Variants in HDAC4 observed in about 807,000 individuals in gnomAD.
The protein encoded by HDAC4 is histone deacetylase 4.
Under a neutral mutation model 135.1 loss-of-function variants are expected in HDAC4, and 16 were observed. That is an observed-to-expected ratio of 0.12 (90% confidence interval 0.08 to 0.18). The LOEUF is 0.18. Among genes scored for constraint, HDAC4 ranks in the 10% least tolerant of loss-of-function variants. The pLI is 1.00. For missense variants in HDAC4, 1,143 were observed against 1,511.8 expected (o/e 0.76, Z 4.05); for synonymous variants, 685 against 653.4 (o/e 1.05, Z -0.74).
At chr2:239,094,820 A>C in intron 17 of HDAC4, 190 bp downstream of exon 17, 3 of 1,467,828 alleles carry the variant, frequency 2.0e-6, no homozygotes, top group South Asian at 2.7e-5. Flanking sequence ...TCCCCAGAGA[A>C]AGGTGCCCGA....
intron 2 of HDAC4, among the ~76,000 whole-genome samples, chr2:239,265,893 C>T (rs965042301): frequency 1.3e-4 from 20 of 152,212 alleles, no homozygotes; most frequent in Admixed American, 1.2e-3. Flanking sequence ...GTGGGCAGTG[C>T]CCCGATCAGG....
chr2:239,144,644 C>G lies in HDAC4; in HGVS notation c.804G>C (p.Leu268=), dbSNP rs1331059181. ...QKVAERRSSP[L]LRRKDGPVVT... ...CCACTGGCCCGTCTTTCCTGCGTAACAGGGGGCTGCTCCGTCTTTCGGCCA... is the reference window on the plus strand; with the variant it reads ...CCACTGGCCCGTCTTTCCTGCGTAAGAGGGGGCTGCTCCGTCTTTCGGCCA... Residue 268 remains leucine, a synonymous_variant, in exon 8 of 27, where the codon CTG becomes CTC. Transcript: ENST00000543185. 6.2e-7 allele frequency: 1 copy of G among 1,614,120 alleles called. No homozygotes were observed. The highest frequency in any genetic ancestry group is 1.3e-5 in the African/African-American group (1 of 74,946).
chr2:239,370,310 T>C (rs1694514146), intron 1 of HDAC4, among the ~76,000 whole-genome samples: 1 of 152,158 alleles, frequency 6.6e-6, no homozygotes, highest in Non-Finnish European at 1.5e-5. Flanking sequence ...ACTCCCTCGA[T>C]CCCACTGAAA....
chr2:239,180,459 C>T (rs768455808), intron 4 of HDAC4, among the ~76,000 whole-genome samples: 1 of 152,146 alleles, frequency 6.6e-6, no homozygotes, highest in South Asian at 2.1e-4. Context: ...TGCTCACAGC[C>T]TCTTCCTACT....
intron 2 of HDAC4, among the ~76,000 whole-genome samples, chr2:239,282,520 ACT>A (rs2050847444): frequency 7.3e-6 from 1 of 137,390 alleles, no homozygotes; most frequent in South Asian, 2.4e-4. Context: ...TGTACACACC[ACT>A]CTCAATGTAC....
rs955068924 is a variant in HDAC4 at position 239,262,065 on chromosome 2, G to A, written c.23-25401C>T. Reference sequence around the variant, plus strand: ...GCAGGGTGGCATCTGCCCCCTTGTCGCTCCAAGGGAAAGCCCTGAGGGACC... The same window carrying A: ...GCAGGGTGGCATCTGCCCCCTTGTCACTCCAAGGGAAAGCCCTGAGGGACC... On this transcript the variant is annotated intron_variant, in intron 2 of 26. Coordinates refer to ENST00000543185, the MANE Select transcript of HDAC4 (RefSeq NM_001378414.1). The surrounding 1 kb of genome is among the most constrained non-coding windows in gnomAD (Gnocchi z 4.1). Among the ~76,000 whole-genome samples, 4 of 152,160 alleles carry A rather than the reference G, an allele frequency of 2.6e-5. No individual in the cohort carries two copies. The East Asian group carries it at 5.8e-4, about 22-fold the overall frequency.
At chr2:239,339,294 A>G (rs1692143983) in intron 2 of HDAC4, among the ~76,000 whole-genome samples, 1 of 152,220 alleles carries the variant, frequency 6.6e-6, no homozygotes, top group African/African-American at 2.4e-5. Flanking sequence ...CATCAGCTGC[A>G]GGGCCAGGTG....
At chr2:239,096,299 G>A (rs2037023533) in intron 16 of HDAC4, among the ~76,000 whole-genome samples, 1 of 151,834 alleles carries the variant, frequency 6.6e-6, no homozygotes, top group Non-Finnish European at 1.5e-5. Context: ...CTAAACAGAG[G>A]CCTGCTTGCC....
At chr2:239,328,727 C>T (rs139083853) in intron 2 of HDAC4, among the ~76,000 whole-genome samples, 245 of 152,292 alleles carry the variant, frequency 1.6e-3, no homozygotes, top group African/African-American at 5.7e-3. Context: ...AGGACTTTGT[C>T]GGGTGCAGCC....
At chr2:239,084,353 G>A in intron 19 of HDAC4, 111 bp from the exon 20 acceptor site, 1 of 747,624 alleles carries the variant, frequency 1.3e-6, no homozygotes, top group South Asian at 1.5e-5. Context: ...AGGTCTCTGT[G>A]AGTGCAGAGC....
At chr2:239,340,488 A>G (rs553801181) in intron 2 of HDAC4, among the ~76,000 whole-genome samples, 57 of 152,254 alleles carry the variant, frequency 3.7e-4, no homozygotes, top group African/African-American at 1.3e-3. Context: ...GAGGAGGACC[A>G]TGGTGGGGTG....
chr2:239,296,934 G>A (rs1027821181), intron 2 of HDAC4, among the ~76,000 whole-genome samples: 5 of 148,732 alleles, frequency 3.4e-5, no homozygotes, highest in Non-Finnish European at 5.9e-5. Context: ...GATTGTCCCC[G>A]CCAAAGAAGT....
intron 3 of HDAC4, among the ~76,000 whole-genome samples, chr2:239,197,327 T>C (rs755222622): frequency 3.9e-5 from 6 of 152,212 alleles, no homozygotes; most frequent in Non-Finnish European, 8.8e-5. Flanking sequence ...TGCTGCACCT[T>C]GAGTGTGACT....
chr2:239,323,436 C>T (rs1210355531), intron 2 of HDAC4, among the ~76,000 whole-genome samples: 1 of 152,156 alleles, frequency 6.6e-6, no homozygotes, highest in African/African-American at 2.4e-5. Flanking sequence ...GAAAAGACTA[C>T]ATCTTAACTT....
chr2:239,193,728 A>G (rs988526513), intron 3 of HDAC4, among the ~76,000 whole-genome samples: 1 of 152,260 alleles, frequency 6.6e-6, no homozygotes, highest in African/African-American at 2.4e-5. Context: ...CCAGCTTCTC[A>G]GGACAAAGTG....
Position 239,308,663 on chromosome 2 carries a change from G to C in HDAC4, c.22+44015C>G, listed in dbSNP as rs1169387372. On this transcript the variant is annotated intron_variant, in intron 2 of 26. Coordinates refer to ENST00000543185, the MANE Select transcript of HDAC4 (RefSeq NM_001378414.1). This position sits in a 1 kb window ranked among gnomAD's most constrained non-coding sequence, Gnocchi z 4.2. ...TAGTCCAGGCAGAGTGTGGTTAACA[G>C]GCCTCCGGGTGTCCCCCCCTTCCAG... 6.8e-6 allele frequency among the ~76,000 whole-genome samples: 1 copy of C among 147,908 alleles called. No individual in the cohort carries two copies. Among genetic ancestry groups the C allele is most frequent in the Non-Finnish European group, 1.5e-5 (1 of 64,882 alleles).
intron 7 of HDAC4, among the ~76,000 whole-genome samples, chr2:239,149,589 C>T (rs1310238375): frequency 1.3e-5 from 2 of 152,154 alleles, no homozygotes; most frequent in Admixed American, 1.3e-4. Flanking sequence ...GCCTCACGTG[C>T]CCTGCGTGGC....
At chr2:239,076,692 G>A (rs1057447586) in intron 22 of HDAC4, among the ~76,000 whole-genome samples, 1 of 152,160 alleles carries the variant, frequency 6.6e-6, no homozygotes, top group African/African-American at 2.4e-5. Context: ...CCCAATAAAT[G>A]CCCTGGGGCA....
intron 2 of HDAC4, among the ~76,000 whole-genome samples, chr2:239,319,514 C>T (rs1413225558): frequency 2.6e-5 from 4 of 152,244 alleles, no homozygotes; most frequent in African/African-American, 7.2e-5. Flanking sequence ...AGGTCTAAGA[C>T]GGTGTGGCCG....
Sources: allele counts gnomAD v4.1 joint callset (sites outside exome capture counted in the v4.1 genomes callset), GRCh38; gene constraint gnomAD v4.1.1; non-coding constraint Gnocchi (gnomAD v3.1); transcripts MANE v1.5; gene names NCBI Gene and HGNC (gene_info 2026-07-23, HGNC 2026-07-21).